The following SEMA3E variants were observed in gnomAD, a reference collection of about 807,000 sequenced individuals.
SEMA3E encodes semaphorin 3E, also known as semaphorin-3E.
Under a neutral mutation model 93.6 loss-of-function variants are expected in SEMA3E, and 49 were observed. The ratio of observed to expected loss-of-function variants is 0.52; its 90% CI spans 0.42 to 0.66. SEMA3E has a LOEUF of 0.66. Among genes scored for constraint, SEMA3E ranks in the 30% least tolerant of loss-of-function variants. SEMA3E has a pLI of 0.00. For missense variants in SEMA3E, 906 were observed against 964.8 expected, an observed-to-expected ratio of 0.94 and a Z score of 0.81; for synonymous variants, 363 against 330.7, an observed-to-expected ratio of 1.10 and a Z score of -1.06.
intron 1 of SEMA3E, among the ~76,000 whole-genome samples, chr7:83,645,250 G>A (rs2115723970): frequency 6.6e-6 from 1 of 152,080 alleles, no homozygotes; most frequent in South Asian, 2.1e-4. Flanking sequence ...GAGGACCACA[G>A]TATTTTTCAA....
At chr7:83,579,882 A>G (rs1428697685) in intron 1 of SEMA3E, among the ~76,000 whole-genome samples, 1 of 152,020 alleles carries the variant, frequency 6.6e-6, no homozygotes, top group Non-Finnish European at 1.5e-5. Context: ...TAGCCCATAA[A>G]TCTGGCTTCT....
chr7:83,513,470 A>G (rs964506913), intron 1 of SEMA3E, among the ~76,000 whole-genome samples: 1 of 152,244 alleles, frequency 6.6e-6, no homozygotes, highest in South Asian at 2.1e-4. Flanking sequence ...AATGAATACA[A>G]TTAGCCCAAT....
At chr7:83,377,152 A>T (rs73707804) in intron 16 of SEMA3E, among the ~76,000 whole-genome samples, 4,218 of 152,136 alleles carry the variant, frequency 0.028, 133 homozygotes, top group African/African-American at 0.076. Context: ...ACTCCAAAAG[A>T]ATGTATTCCA....
intron 1 of SEMA3E, among the ~76,000 whole-genome samples, chr7:83,612,307 T>C (rs1484615972): frequency 6.6e-6 from 1 of 152,170 alleles, no homozygotes; most frequent in Non-Finnish European, 1.5e-5. Context: ...TGTTATATCC[T>C]TGGAATCTAT....
chr7:83,436,391 TAACTC>T (rs1789006275), intron 4 of SEMA3E, among the ~76,000 whole-genome samples: 9 of 151,572 alleles, frequency 5.9e-5, no homozygotes, highest in Admixed American at 3.3e-4. Flanking sequence ...TAAAGAGAGT[TAACTC>T]AAGTGGCAGA....
At chr7:83,549,814 T>C (rs1791723593) in intron 1 of SEMA3E, among the ~76,000 whole-genome samples, 1 of 152,108 alleles carries the variant, frequency 6.6e-6, no homozygotes, top group African/African-American at 2.4e-5. Flanking sequence ...CTAATCATTA[T>C]GAGGTTAAAC....
intron 1 of SEMA3E, among the ~76,000 whole-genome samples, chr7:83,608,586 C>T (rs1584361749): frequency 6.6e-6 from 1 of 152,044 alleles, no homozygotes; most frequent in African/African-American, 2.4e-5. Flanking sequence ...TAAACAACCC[C>T]TCTCTTGTTC....
chr7:83,648,384 T>C (rs1018277817), intron 1 of SEMA3E, 44 bp downstream of exon 1: 7 of 193,948 alleles, frequency 3.6e-5, no homozygotes, highest in African/African-American at 8.0e-5. Context: ...TTTCTTTTTC[T>C]TTTTTTTTTT....
intron 1 of SEMA3E, 45 bp downstream of exon 1, chr7:83,648,381 TTC>T: frequency 2.8e-6 from 4 of 1,416,160 alleles, no homozygotes; most frequent in South Asian, 1.2e-5. Flanking sequence ...TTTTTTCTTT[TTC>T]TTTTTTTTTT....
chr7:83,602,551 C>T (rs1029599095), intron 1 of SEMA3E, among the ~76,000 whole-genome samples: 2 of 151,680 alleles, frequency 1.3e-5, no homozygotes. Context: ...GATCTCAGCT[C>T]ACTGCAACCT....
intron 1 of SEMA3E, among the ~76,000 whole-genome samples, chr7:83,593,433 G>A (rs553469393): frequency 6.6e-6 from 1 of 151,580 alleles, no homozygotes; most frequent in South Asian, 2.1e-4. Flanking sequence ...GCACATAGAT[G>A]ATACAATATT....
At chr7:83,395,881 CATAA>C (rs1788109193) in intron 12 of SEMA3E, among the ~76,000 whole-genome samples, 1 of 152,074 alleles carries the variant, frequency 6.6e-6, no homozygotes, top group South Asian at 2.1e-4. Flanking sequence ...CACAAACACA[CATAA>C]AAGAAGGTTA....
chr7:83,620,415 C>T (rs568366562), intron 1 of SEMA3E, among the ~76,000 whole-genome samples: 7 of 152,014 alleles, frequency 4.6e-5, no homozygotes, highest in South Asian at 2.1e-4. Flanking sequence ...TGCTACCAGA[C>T]GTACAAAGAG....
At chr7:83,536,775 A>G (rs867021221) in intron 1 of SEMA3E, among the ~76,000 whole-genome samples, 2 of 152,170 alleles carry the variant, frequency 1.3e-5, no homozygotes, top group Non-Finnish European at 2.9e-5. Context: ...TGGCGAAGAA[A>G]TAATTTTTGT....
intron 4 of SEMA3E, among the ~76,000 whole-genome samples, chr7:83,430,584 A>G (rs778289165): frequency 1.3e-5 from 2 of 152,312 alleles, no homozygotes; most frequent in Middle Eastern, 3.4e-3. Flanking sequence ...AGGAACAGAA[A>G]ACCAAACACC....
intron 1 of SEMA3E, among the ~76,000 whole-genome samples, chr7:83,527,191 A>T (rs201727813): frequency 2.4e-4 from 36 of 151,670 alleles, no homozygotes; most frequent in Middle Eastern, 3.4e-3. Flanking sequence ...GTGGGGGGGA[A>T]AAAAAGGTTT....
intron 4 of SEMA3E, among the ~76,000 whole-genome samples, chr7:83,465,482 G>A (rs182431837): frequency 6.6e-6 from 1 of 152,136 alleles, no homozygotes; most frequent in African/African-American, 2.4e-5. Context: ...CAAATACTTC[G>A]AATTATATTT....
intron 1 of SEMA3E, among the ~76,000 whole-genome samples, chr7:83,504,388 T>G (rs1790654134): frequency 6.6e-6 from 1 of 152,194 alleles, no homozygotes; most frequent in African/African-American, 2.4e-5. Context: ...TGTGTGTTAT[T>G]TACCATTACT....
At chr7:83,639,503 T>C (rs952316383) in intron 1 of SEMA3E, among the ~76,000 whole-genome samples, 6 of 151,926 alleles carry the variant, frequency 3.9e-5, no homozygotes, top group South Asian at 2.1e-4. Flanking sequence ...TTATAGCCTT[T>C]AGGAATGATT....
Sources: gnomAD v4.1 joint callset for allele counts (sites outside exome capture counted in the v4.1 genomes callset) on GRCh38, gnomAD v4.1.1 for gene constraint, MANE v1.5 for transcripts, NCBI Gene and HGNC (gene_info 2026-07-23, HGNC 2026-07-21) for gene names.